The following ANO1 variants were observed in gnomAD, a reference collection of about 807,000 sequenced individuals.
ANO1 encodes anoctamin-1.
ANO1 carries 59 observed loss-of-function variants against 124.0 expected under a neutral mutation model. The observed-to-expected ratio is 0.48, with a 90% CI of 0.39 to 0.59. The LOEUF is 0.59. ANO1 is among the 20% of genes least tolerant of loss of function. The pLI is 0.00. For missense variants in ANO1, 1,059 were observed against 1,328.0 expected (o/e 0.80, Z 3.15); for synonymous variants, 529 against 532.0 (o/e 0.99, Z 0.08).
chr11:70,182,812 GAA>G, intron 24 of ANO1, 126 bp downstream of exon 24: 10 of 888,070 alleles, frequency 1.1e-5, no homozygotes, highest in Admixed American at 3.8e-5. Context: ...AAAAGAAGAA[GAA>G]GGAAAAAAAA....
At chr11:70,091,518 G>C (rs1469144223) in intron 2 of ANO1, among the ~76,000 whole-genome samples, 2 of 152,176 alleles carry the variant, frequency 1.3e-5, no homozygotes, top group Admixed American at 6.5e-5. Context: ...CAGTGTACGT[G>C]GGGGGCAAAA....
At chr11:70,150,924 A>AG (rs1016036767) in intron 12 of ANO1, among the ~76,000 whole-genome samples, 3 of 152,154 alleles carry the variant, frequency 2.0e-5, no homozygotes, top group African/African-American at 7.2e-5. Context: ...ACTGAACCCA[A>AG]GGGTCACTCT....
chr11:70,052,309 G>A (rs1555006331), intron 1 of ANO1, among the ~76,000 whole-genome samples: 1 of 152,092 alleles, frequency 6.6e-6, no homozygotes, highest in Non-Finnish European at 1.5e-5. Context: ...TATAACTATT[G>A]TTGGTCGATA....
chr11:70,167,510 T>C, intron 21 of ANO1, 123 bp downstream of exon 21: 1 of 1,341,904 alleles, frequency 7.5e-7, no homozygotes, highest in Non-Finnish European at 1.0e-6. Context: ...CGTCCCTCCA[T>C]AAGCATCAGG....
chr11:70,127,801 A>C (rs1356422737), intron 10 of ANO1, among the ~76,000 whole-genome samples: 2 of 152,262 alleles, frequency 1.3e-5, no homozygotes, highest in African/African-American at 4.8e-5. Context: ...CATGAACCTA[A>C]GGATAATTCC....
intron 19 of ANO1, among the ~76,000 whole-genome samples, chr11:70,163,853 G>A (rs1221750791): frequency 2.6e-5 from 4 of 151,708 alleles, no homozygotes; most frequent in Non-Finnish European, 4.4e-5. Flanking sequence ...CATGAGAATC[G>A]CTTGAACCTG....
intron 21 of ANO1, chr11:70,169,978 G>C (rs750258393): frequency 2.8e-6 from 1 of 358,532 alleles, no homozygotes; most frequent in Non-Finnish European, 5.5e-6. Context: ...TTCTCCTAGA[G>C]CCTAGCCCCA....
At position 70,039,596 on chromosome 11, in the gene ANO1, C is replaced by T. The variant is rs191693068; in HGVS notation, c.59-38946C>T. 2.9e-4 allele frequency among the ~76,000 whole-genome samples: 43 copies of T among 150,764 alleles called. No homozygotes were observed. The East Asian group carries it at 4.5e-3, about 16-fold the overall frequency. On this transcript the variant is annotated intron_variant, in intron 1 of 27. Transcript: ENST00000531349. ...CAGGTGGTAGTCCTACCTCCCCTTC[C>T]GCAGGTGGTAGTCCTACCTCCCCTT...
At chr11:70,029,202 G>A (rs782081575) in intron 1 of ANO1, among the ~76,000 whole-genome samples, 27 of 152,242 alleles carry the variant, frequency 1.8e-4, no homozygotes, top group Non-Finnish European at 3.7e-4. Flanking sequence ...GGCACGAGCA[G>A]AGCCTTCCAT....
At chr11:70,095,400 AAG>A (rs1165845696) in intron 2 of ANO1, among the ~76,000 whole-genome samples, 3 of 44,274 alleles carry the variant, frequency 6.8e-5, no homozygotes, top group African/African-American at 1.6e-4. Flanking sequence ...GAAAGAAAGA[AAG>A]AAAGAAAGAA....
At chr11:70,149,336 C>G (rs1386190282) in intron 11 of ANO1, among the ~76,000 whole-genome samples, 2 of 152,208 alleles carry the variant, frequency 1.3e-5, no homozygotes, top group African/African-American at 4.8e-5. Flanking sequence ...GTCACCCTCT[C>G]TCACCAAACA....
At chr11:70,068,017 G>A (rs1555008850) in intron 1 of ANO1, among the ~76,000 whole-genome samples, 1 of 152,152 alleles carries the variant, frequency 6.6e-6, no homozygotes, top group Non-Finnish European at 1.5e-5. Context: ...TAGGCTGATT[G>A]CCCCTGTGGA....
At position 70,087,979 on chromosome 11, in the gene ANO1, G is replaced by A. The variant is rs10898112; in HGVS notation, c.336G>A (p.Ser112=). The part of the protein sequence containing the change: ...PGKGASLDAG[S]GEPPMDYHED... ...AGGGGGCGTCGCTGGATGCAGGCTC[G>A]GGGGAGCCCCCGATGGACTACCACG... The change falls in exon 2 of 26, where the codon TCG becomes TCA. Residue 112 remains serine (S), a synonymous_variant. Transcript: ENST00000355303. 0.24 allele frequency: 384,148 copies of A among 1,578,530 alleles called. 48,539 individuals carry two copies. Among genetic ancestry groups the A allele is most frequent in the African/African-American group, 0.28 (20,521 of 74,164 alleles).
At chr11:70,149,424 G>A in intron 11 of ANO1, 1 of 390,966 alleles carries the variant, frequency 2.6e-6, no homozygotes, top group Non-Finnish European at 4.9e-6. Context: ...GCCAAGGCAG[G>A]TGGATCACCT....
chr11:69,982,387 A>G (rs1223450860), upstream of ANO1, among the ~76,000 whole-genome samples: 3 of 152,140 alleles, frequency 2.0e-5, no homozygotes, highest in Non-Finnish European at 4.4e-5. Context: ...GTCCACCTTG[A>G]AAAACCCACC....
intron 1 of ANO1, among the ~76,000 whole-genome samples, chr11:70,007,217 C>T (rs1591030102): frequency 6.6e-6 from 1 of 151,602 alleles, no homozygotes; most frequent in Middle Eastern, 3.5e-3. Flanking sequence ...CTTCACTTCG[C>T]ATAATATCCT....
chr11:70,024,029 T>C (rs1048783937), intron 1 of ANO1, among the ~76,000 whole-genome samples: 1 of 152,162 alleles, frequency 6.6e-6, no homozygotes, highest in East Asian at 1.9e-4. Context: ...GGGTCTAATG[T>C]TTCCAAATCT....
At chr11:70,075,363 G>A (rs1195868859), upstream of ANO1, 1 of 152,024 alleles carries the variant, frequency 6.6e-6, no homozygotes, top group Admixed American at 6.6e-5. Flanking sequence ...TGTCCGCAAA[G>A]TGCTCGCTTC....
intron 1 of ANO1, among the ~76,000 whole-genome samples, chr11:70,079,039 A>G (rs1012582764): frequency 2.0e-5 from 3 of 152,096 alleles, no homozygotes; most frequent in Non-Finnish European, 2.9e-5. Flanking sequence ...TCGGAGCCCA[A>G]CCAAGAGCTC....
Sources: gnomAD v4.1 joint callset for allele counts (sites outside exome capture counted in the v4.1 genomes callset) on GRCh38, gnomAD v4.1.1 for gene constraint, MANE v1.5 for transcripts, NCBI Gene and HGNC (gene_info 2026-07-23, HGNC 2026-07-21) for gene names.